Variants in UPF3B observed in about 807,000 individuals in gnomAD.
The protein encoded by UPF3B is regulator of nonsense transcripts 3B.
In UPF3B, 7 loss-of-function variants were observed where a neutral mutation model predicts 40.3. That is an observed-to-expected ratio of 0.17 (90% confidence interval 0.10 to 0.33). The LOEUF (loss-of-function observed/expected upper bound fraction) is 0.33. UPF3B is among the 10% of genes least tolerant of loss of function. The pLI is 1.00. For synonymous variants in UPF3B, 117 were observed against 117.3 expected (o/e 1.00, Z 0.01); for missense variants, 229 against 358.9 (o/e 0.64, Z 2.93).
chrX:119,837,861 G>C lies in UPF3B; in HGVS notation c.1198C>G (p.Leu400Val). ...TCAGCCTTCTTTCCTTTATCCCGAA[G>C]TGTGTCTTTCTCTTTTTTCATTTCT... ...EEEMKKEKDT[L>V]RDKGKKAEST... is the part of the protein sequence containing the mutation. Residue 400 changes from leucine (L) to valine (V), a missense_variant, in exon 10 of 11, where the codon CTT becomes GTT. Around this residue, in one of 3 missense-constraint regions of UPF3B, gnomAD observed 119 missense variants for 153.8 expected, o/e 0.77. Transcript: ENST00000276201. The C allele has an allele frequency of 8.3e-7, 1 of 1,210,694 alleles. No homozygotes were observed. The highest frequency in any genetic ancestry group is 1.8e-5 in the South Asian group (1 of 56,781).
At chrX:119,850,072 A>G (rs996863767) in intron 3 of UPF3B, among the ~76,000 whole-genome samples, 6 of 84,685 alleles carry the variant, frequency 7.1e-5, no homozygotes, top group East Asian at 3.8e-4. Context: ...GGGGGGGGGA[A>G]ATCACTTGAG....
At chrX:119,824,599 T>C (rs1421854837) in intron 3 of UPF3B, among the ~76,000 whole-genome samples, 1 of 111,004 alleles carries the variant, frequency 9.0e-6, no homozygotes, top group Non-Finnish European at 1.9e-5. Context: ...ACCTCTACCT[T>C]GGCTTCCATT....
intron 5 of UPF3B, among the ~76,000 whole-genome samples, chrX:119,842,625 C>T (rs1165185714): frequency 2.8e-5 from 3 of 107,610 alleles, no homozygotes; most frequent in African/African-American, 1.1e-4. Context: ...CACACACACA[C>T]ACACAGAGAG....
downstream of UPF3B, among the ~76,000 whole-genome samples, chrX:119,830,244 T>C (rs1482379876): frequency 9.0e-6 from 1 of 111,362 alleles, no homozygotes; most frequent in African/African-American, 3.3e-5. Flanking sequence ...GTTTGGATAT[T>C]TGTCCCCACC....
intron 9 of UPF3B, 72 bp from the exon 10 acceptor site, chrX:119,838,123 C>T: frequency 8.6e-7 from 1 of 1,157,227 alleles, no homozygotes. Context: ...CACTGTGATT[C>T]TGATTTGGCC....
intron 7 of UPF3B, 22 bp downstream of exon 7, chrX:119,841,054 G>A: frequency 8.3e-7 from 1 of 1,207,125 alleles, no homozygotes; most frequent in East Asian, 3.0e-5. Context: ...GCAACATGCA[G>A]TCAGTTTCAA....
intron 5 of UPF3B, among the ~76,000 whole-genome samples, chrX:119,842,413 G>A (rs962927028): frequency 1.8e-5 from 2 of 109,966 alleles, no homozygotes; most frequent in African/African-American, 3.3e-5. Flanking sequence ...GTGAAACCCC[G>A]GCTCTACTAA....
downstream of UPF3B, among the ~76,000 whole-genome samples, chrX:119,833,348 T>A (rs1187344252): frequency 8.9e-6 from 1 of 111,866 alleles, no homozygotes; most frequent in Non-Finnish European, 1.9e-5. Flanking sequence ...ATTATTTTTT[T>A]AAATTTTTTG....
chrX:119,833,961 G>A (rs980783995), downstream of UPF3B: 26 of 710,952 alleles, frequency 3.7e-5, no homozygotes, highest in East Asian at 1.9e-3. Flanking sequence ...GATGTCAGAT[G>A]TCAAAAATTT....
intron 3 of UPF3B, among the ~76,000 whole-genome samples, chrX:119,850,889 C>A (rs779446623): frequency 1.8e-5 from 2 of 111,883 alleles, no homozygotes; most frequent in Non-Finnish European, 3.8e-5. Context: ...CAGGCGTGGA[C>A]CGCCACGCCT....
intron 5 of UPF3B, among the ~76,000 whole-genome samples, chrX:119,810,973 CAA>C (rs748195452): frequency 3.6e-5 from 4 of 110,779 alleles, no homozygotes; most frequent in Admixed American, 9.7e-5. Context: ...ACAAAAGTGT[CAA>C]AGTTTCTTGA....
At chrX:119,850,161 T>C (rs557238773) in intron 3 of UPF3B, among the ~76,000 whole-genome samples, 1 of 110,635 alleles carries the variant, frequency 9.0e-6, no homozygotes, top group East Asian at 2.8e-4. Context: ...TAGCCAGGCA[T>C]GGTGACATAC....
At chrX:119,815,040 A>G (rs1252555661) in intron 5 of UPF3B, among the ~76,000 whole-genome samples, 2 of 108,215 alleles carry the variant, frequency 1.8e-5, no homozygotes, top group Admixed American at 2.0e-4. Context: ...TAGTTCTTGT[A>G]TTTTCAGTAG....
At chrX:119,809,531 G>A (rs188347490) in intron 5 of UPF3B, among the ~76,000 whole-genome samples, 1 of 111,722 alleles carries the variant, frequency 9.0e-6, no homozygotes, top group African/African-American at 3.2e-5. Flanking sequence ...TACCAGCCTG[G>A]CCAACATGGT....
At chrX:119,813,415 T>A (rs913917809) in intron 5 of UPF3B, among the ~76,000 whole-genome samples, 1 of 110,650 alleles carries the variant, frequency 9.0e-6, no homozygotes, top group Non-Finnish European at 1.9e-5. Flanking sequence ...TCTTGCTCAC[T>A]CTGTGATGTG....
intron 8 of UPF3B, among the ~76,000 whole-genome samples, chrX:119,840,420 T>C (rs2056147496): frequency 9.0e-6 from 1 of 111,457 alleles, no homozygotes; most frequent in Non-Finnish European, 1.9e-5. Flanking sequence ...TGGCTGTAGG[T>C]CAATGAAGCT....
chrX:119,847,166 G>A (rs1380146284), intron 3 of UPF3B, among the ~76,000 whole-genome samples: 1 of 112,341 alleles, frequency 8.9e-6, no homozygotes, highest in Non-Finnish European at 1.9e-5. Flanking sequence ...GAACACTCAT[G>A]TATTGGTGGG....
chrX:119,835,977 A>T (rs1041936403), intron 10 of UPF3B, among the ~76,000 whole-genome samples: 3 of 111,486 alleles, frequency 2.7e-5, no homozygotes. Context: ...ACTCTGTCTC[A>T]AAAAATAAAC....
downstream of UPF3B, among the ~76,000 whole-genome samples, chrX:119,830,940 A>G (rs1334833569): frequency 9.0e-6 from 1 of 111,429 alleles, no homozygotes; most frequent in Admixed American, 9.6e-5. Context: ...AAGAAAATTC[A>G]ATTCAGGATG....
Sources: gnomAD v4.1 joint callset for allele counts (sites outside exome capture counted in the v4.1 genomes callset) on GRCh38, gnomAD v4.1.1 for gene constraint, gnomAD v4.1.1 regional missense constraint, MANE v1.5 for transcripts, NCBI Gene and HGNC (gene_info 2026-07-23, HGNC 2026-07-21) for gene names.